Variants in ANO2 observed in about 807,000 individuals in gnomAD.
The protein encoded by ANO2 is anoctamin 2, also known as anoctamin-2.
Under a neutral mutation model 124.2 loss-of-function variants are expected in ANO2, and 101 were observed. The observed-to-expected ratio is 0.81, with a 90% CI of 0.69 to 0.96. ANO2 has a LOEUF of 0.96. Among genes scored for constraint, ANO2 ranks in the 40% least tolerant of loss-of-function variants. The pLI is 0.00. For synonymous variants in ANO2, 486 were observed against 482.5 expected (o/e 1.01, Z -0.09); for missense variants, 1,293 against 1,274.5 (o/e 1.01, Z -0.22).
At chr12:5,666,141 T>C (rs147798205) in intron 14 of ANO2, among the ~76,000 whole-genome samples, 4 of 152,266 alleles carry the variant, frequency 2.6e-5, no homozygotes, top group African/African-American at 7.2e-5. Flanking sequence ...GTTTTGATTG[T>C]CTTCTGATAC....
chr12:5,634,272 G>T (rs1330966961), intron 16 of ANO2, among the ~76,000 whole-genome samples: 1 of 152,100 alleles, frequency 6.6e-6, no homozygotes, highest in East Asian at 1.9e-4. Flanking sequence ...GCAACTTTCC[G>T]GAATTCTCCA....
chr12:5,866,927 C>T (rs1565734932), intron 3 of ANO2, among the ~76,000 whole-genome samples: 1 of 152,242 alleles, frequency 6.6e-6, no homozygotes. Flanking sequence ...TTAGAAACTT[C>T]TTCCCACTCT....
rs374480403 is a variant in ANO2, at chr12:5,797,591, T to TCCCCACCA, written c.1055+1915_1055+1916insTGGTGGGG. On this transcript the variant is annotated intron_variant, in intron 10 of 24. Transcript: ENST00000682330. Reference sequence around the variant, plus strand: ...CCTAGTGCTCCCCACCACCAGCCCTTCCATCACTTCTCTTTCCAGCAGTTT... The same window carrying TCCCCACCA: ...CCTAGTGCTCCCCACCACCAGCCCTTCCCCACCACCATCACTTCTCTTTCCAGCAGTTT... 4.0e-3 allele frequency among the ~76,000 whole-genome samples: 608 copies of TCCCCACCA among 152,232 alleles called. 1 individual carries two copies. The highest frequency in any genetic ancestry group is 0.014 in the African/African-American group (569 of 41,526).
chr12:5,774,174 G>A (rs1248099288), intron 10 of ANO2, among the ~76,000 whole-genome samples: 2 of 152,166 alleles, frequency 1.3e-5, no homozygotes, highest in African/African-American at 4.8e-5. Flanking sequence ...TTGTTCTTGG[G>A]CAGGACGCAG....
intron 15 of ANO2, among the ~76,000 whole-genome samples, chr12:5,640,079 C>T (rs548848496): frequency 3.7e-4 from 57 of 152,190 alleles, no homozygotes; most frequent in African/African-American, 1.2e-3. Context: ...ACAGGATTGG[C>T]GGAGAGGAAA....
chr12:5,873,142 G>C (rs188199114), intron 3 of ANO2, among the ~76,000 whole-genome samples: 2 of 150,956 alleles, frequency 1.3e-5, no homozygotes, highest in Non-Finnish European at 1.5e-5. Flanking sequence ...AGTGAGGGCT[G>C]AGCAGTTTAT....
chr12:5,685,506 T>G (rs960588143), intron 14 of ANO2, among the ~76,000 whole-genome samples: 5 of 152,162 alleles, frequency 3.3e-5, no homozygotes, highest in African/African-American at 1.2e-4. Flanking sequence ...AGCCTGGGGC[T>G]GGGCACAGTG....
Position 5,918,673 on chromosome 12 carries a change from T to A in ANO2, c.534+2367A>T, listed in dbSNP as rs565595595. Reference sequence around the variant, plus strand: ...CCAGGCTGGTCTTGATCTCTTGACCTCATAATCCTCCAGCCTCAGCCTCCC... The same window carrying A: ...CCAGGCTGGTCTTGATCTCTTGACCACATAATCCTCCAGCCTCAGCCTCCC... On this transcript the variant is annotated intron_variant, in intron 3 of 24. Coordinates refer to ENST00000682330, the MANE Select transcript of ANO2 (RefSeq NM_001364791.2). 3.3e-5 allele frequency among the ~76,000 whole-genome samples: 5 copies of A among 152,206 alleles called. No individual in the cohort carries two copies. The East Asian group carries it at 9.7e-4, about 29-fold the overall frequency.
rs561188559 is a variant in ANO2, at chr12:5,876,934, A to C, written c.535-22793T>G. Among the ~76,000 whole-genome samples, 47 of 152,342 alleles carry C rather than the reference A, an allele frequency of 3.1e-4. 2 individuals carry two copies. In the South Asian group the frequency reaches 9.1e-3, roughly 30 times the overall value. On this transcript the variant is annotated intron_variant, in intron 3 of 24. Coordinates refer to ENST00000682330, the MANE Select transcript of ANO2 (RefSeq NM_001364791.2). ...TGGCACATGTATACCTATGTAACGA[A>C]TCTGCAGATTCTGCACATGTATCCC...
chr12:5,833,276 T>A (rs146061993), intron 4 of ANO2, among the ~76,000 whole-genome samples: 364 of 152,182 alleles, frequency 2.4e-3, no homozygotes, highest in African/African-American at 8.0e-3. Flanking sequence ...GTGCATACTG[T>A]TTTTTTTATA....
chr12:5,813,881 AG>A (rs1371368001), intron 7 of ANO2, among the ~76,000 whole-genome samples: 1 of 152,148 alleles, frequency 6.6e-6, no homozygotes, highest in Non-Finnish European at 1.5e-5. Context: ...TTGTTTTATG[AG>A]GGGAGAAACT....
chr12:5,712,542 GA>G (rs1445432531), intron 14 of ANO2, among the ~76,000 whole-genome samples: 1 of 152,190 alleles, frequency 6.6e-6, no homozygotes, highest in African/African-American at 2.4e-5. Flanking sequence ...ACTTCAGAGG[GA>G]ACGTGGGCCT....
intron 10 of ANO2, among the ~76,000 whole-genome samples, chr12:5,780,789 G>A (rs1266661413): frequency 1.3e-5 from 2 of 152,152 alleles, no homozygotes. Context: ...AGGGCAGGCC[G>A]TGGGGCTGTG....
At position 5,921,098 on chromosome 12, in the gene ANO2, C is replaced by T. The variant is rs746661048; in HGVS notation, c.476G>A (p.Arg159Gln). The T allele has an allele frequency of 8.7e-6, 14 of 1,613,766 alleles. No individual in the cohort carries two copies. The highest frequency in any genetic ancestry group is 1.2e-5 in the Non-Finnish European group (14 of 1,179,834). ...DALEEERKEQ[R>Q]EEFEHNLMEA... ...CATCAGATTGTGCTCAAATTCCTCC[C>T]GCTGCTCCTTCCTCTCCTCCTCCAG... Residue 159 changes from arginine to glutamine, a missense_variant, in exon 3 of 25, where the codon CGG (arginine) becomes CAG (glutamine). Coordinates refer to ENST00000682330, the MANE Select transcript of ANO2 (RefSeq NM_001364791.2).
chr12:5,668,587 T>C (rs1181378075), intron 14 of ANO2, among the ~76,000 whole-genome samples: 1 of 152,208 alleles, frequency 6.6e-6, no homozygotes, highest in East Asian at 1.9e-4. Flanking sequence ...TTTGTTGAAA[T>C]TGCTGTTAGC....
At chr12:5,789,227 C>G (rs1242540491) in intron 10 of ANO2, among the ~76,000 whole-genome samples, 1 of 152,350 alleles carries the variant, frequency 6.6e-6, no homozygotes, top group Admixed American at 6.5e-5. Flanking sequence ...TAGTACATGG[C>G]TGATTCGCTT....
intron 14 of ANO2, among the ~76,000 whole-genome samples, chr12:5,694,251 C>CAGAGAGAGAG (rs5796182): frequency 0.081 from 10,778 of 133,800 alleles, 535 homozygotes; most frequent in Middle Eastern, 0.11. Context: ...TTACCAGAGA[C>CAGAGAGAGAG]AGAGAGAGAG....
chr12:5,938,537 A>C (rs938505110), intron 1 of ANO2, among the ~76,000 whole-genome samples: 4 of 152,210 alleles, frequency 2.6e-5, no homozygotes, highest in East Asian at 1.9e-4. Flanking sequence ...AGATAAGCTA[A>C]GGGCCAGGCA....
chr12:5,726,188 A>G (rs1171177983), intron 14 of ANO2, among the ~76,000 whole-genome samples: 1 of 152,004 alleles, frequency 6.6e-6, no homozygotes, highest in Non-Finnish European at 1.5e-5. Flanking sequence ...CGGACTCAGT[A>G]TTCTTTCTTG....
Sources: allele counts gnomAD v4.1 joint callset (sites outside exome capture counted in the v4.1 genomes callset), GRCh38; gene constraint gnomAD v4.1.1; transcripts MANE v1.5; gene names NCBI Gene and HGNC (gene_info 2026-07-23, HGNC 2026-07-21).